Variants in LRRC4C observed in about 807,000 individuals in gnomAD.
LRRC4C encodes leucine rich repeat containing 4C, also known as leucine-rich repeat-containing protein 4C.
LRRC4C carries 5 observed loss-of-function variants against 33.6 expected under a neutral mutation model. The ratio of observed to expected loss-of-function variants is 0.15; its 90% confidence interval spans 0.08 to 0.31. The LOEUF (loss-of-function observed/expected upper bound fraction) is 0.31, where lower values mean the gene tolerates loss of function less well. LRRC4C is among the 10% of genes least tolerant of loss of function. LRRC4C has a pLI of 1.00. For missense variants in LRRC4C, 560 were observed against 796.7 expected, an observed-to-expected ratio of 0.70 and a Z score of 3.58; for synonymous variants, 329 against 302.0, an observed-to-expected ratio of 1.09 and a Z score of -0.93.
intron 2 of LRRC4C, among the ~76,000 whole-genome samples, chr11:40,839,954 T>C (rs1369697501): frequency 1.3e-5 from 2 of 152,218 alleles, no homozygotes; most frequent in African/African-American, 4.8e-5. Flanking sequence ...TATCCTATGA[T>C]ATTTTAAAGA....
chr11:40,505,223 C>T (rs181124655), intron 3 of LRRC4C, among the ~76,000 whole-genome samples: 2 of 152,208 alleles, frequency 1.3e-5, no homozygotes, highest in Admixed American at 6.5e-5. Flanking sequence ...AAGCTGGTGA[C>T]CCTGGGTGGG....
chr11:40,949,382 A>G (rs1958583318), intron 1 of LRRC4C, among the ~76,000 whole-genome samples: 1 of 152,036 alleles, frequency 6.6e-6, no homozygotes, highest in Admixed American at 6.6e-5. Flanking sequence ...ATTAGATCCC[A>G]TTTGTCAGAG....
At position 40,192,991 on chromosome 11, in the gene LRRC4C, G is replaced by T. The variant is rs367983057; in HGVS notation, c.-96+48528C>A. ...GATAAAACTGCCATCTCCCTGGGAC[G>T]GAGCACATGGGGGAAGGGGCAGCTG... On this transcript the variant is annotated intron_variant, in intron 5 of 6. Transcript: ENST00000528697. Among the ~76,000 whole-genome samples the T allele has an allele frequency of 2.3e-4, 35 of 152,290 alleles. No individual in the cohort carries two copies. In the South Asian group the frequency reaches 7.2e-3, roughly 32 times the overall value.
chr11:40,130,967 A>G (rs1856606223), intron 6 of LRRC4C, among the ~76,000 whole-genome samples: 1 of 152,130 alleles, frequency 6.6e-6, no homozygotes, highest in Non-Finnish European at 1.5e-5. Flanking sequence ...GATCAGTATA[A>G]ATCCATCCTT....
At position 40,320,977 on chromosome 11, in the gene LRRC4C, GA is replaced by G. The variant is rs368867914; in HGVS notation, c.-269-1257del. Among the ~76,000 whole-genome samples the G allele has an allele frequency of 6.6e-5, 10 of 152,014 alleles. No homozygotes were observed. The East Asian group carries it at 1.2e-3, about 18-fold the overall frequency. ...CGAATTTGAGATTCATGTATTACTT[GA>G]AAAAAAATTAATTATCTACCTGACG... is the stretch of plus-strand genomic sequence containing the variant. On this transcript the variant is annotated intron_variant, in intron 3 of 6. Coordinates refer to ENST00000528697, the MANE Select transcript of LRRC4C (RefSeq NM_001258419.2).
intron 1 of LRRC4C, among the ~76,000 whole-genome samples, chr11:41,173,705 C>T (rs556382028): frequency 1.8e-4 from 27 of 152,154 alleles, no homozygotes; most frequent in Non-Finnish European, 2.9e-4. Flanking sequence ...TTCCGATATT[C>T]CTTTGTAACC....
At chr11:40,795,668 T>G (rs1950794965) in intron 2 of LRRC4C, among the ~76,000 whole-genome samples, 2 of 152,200 alleles carry the variant, frequency 1.3e-5, no homozygotes. Context: ...AGAAATCCAC[T>G]TGTCCTCTTA....
intron 3 of LRRC4C, among the ~76,000 whole-genome samples, chr11:40,644,788 G>T (rs1942340116): frequency 6.6e-6 from 1 of 152,146 alleles, no homozygotes; most frequent in Non-Finnish European, 1.5e-5. Context: ...AGTGGATGTG[G>T]CTATGAAAAG....
intron 4 of LRRC4C, among the ~76,000 whole-genome samples, chr11:40,273,978 G>A (rs2136368442): frequency 6.6e-6 from 1 of 152,184 alleles, no homozygotes; most frequent in Non-Finnish European, 1.5e-5. Flanking sequence ...CAGGTGGGCA[G>A]TGGCTATAGG....
intron 1 of LRRC4C, among the ~76,000 whole-genome samples, chr11:40,987,249 C>A (rs888105141): frequency 2.6e-5 from 4 of 152,140 alleles, no homozygotes; most frequent in African/African-American, 9.7e-5. Context: ...GAAGCTAAAT[C>A]TCAGGGAATA....
intron 1 of LRRC4C, among the ~76,000 whole-genome samples, chr11:41,133,900 A>G (rs1191915149): frequency 1.3e-5 from 2 of 152,140 alleles, no homozygotes; most frequent in African/African-American, 4.8e-5. Context: ...CCCTGCTTCA[A>G]GATAGTCTGC....
intron 1 of LRRC4C, among the ~76,000 whole-genome samples, chr11:40,981,153 C>G (rs1017804006): frequency 6.6e-6 from 1 of 152,102 alleles, no homozygotes; most frequent in Non-Finnish European, 1.5e-5. Context: ...AGGTGGCTCA[C>G]GCCTGTAATC....
At chr11:41,210,319 G>T (rs1370205466) in intron 1 of LRRC4C, among the ~76,000 whole-genome samples, 1 of 152,088 alleles carries the variant, frequency 6.6e-6, no homozygotes, top group Non-Finnish European at 1.5e-5. Context: ...CATGGGGGCG[G>T]TTTTCCCCAT....
chr11:40,822,054 T>C (rs1161159723), intron 2 of LRRC4C, among the ~76,000 whole-genome samples: 1 of 151,766 alleles, frequency 6.6e-6, no homozygotes, highest in Non-Finnish European at 1.5e-5. Flanking sequence ...GCATGCGCAA[T>C]AAATTATTGT....
At chr11:41,067,535 A>G (rs562147422) in intron 1 of LRRC4C, among the ~76,000 whole-genome samples, 1 of 152,334 alleles carries the variant, frequency 6.6e-6, no homozygotes, top group South Asian at 2.1e-4. Context: ...GATATTCAAG[A>G]CTTGAACTCA....
At chr11:40,902,446 C>A (rs1221889685) in intron 2 of LRRC4C, among the ~76,000 whole-genome samples, 3 of 152,014 alleles carry the variant, frequency 2.0e-5, no homozygotes, top group Non-Finnish European at 4.4e-5. Flanking sequence ...CAACGAATGA[C>A]CTTACAATAG....
intron 3 of LRRC4C, among the ~76,000 whole-genome samples, chr11:40,370,499 A>C (rs979846701): frequency 6.6e-6 from 1 of 152,092 alleles, no homozygotes; most frequent in African/African-American, 2.4e-5. Flanking sequence ...CAACAACAAA[A>C]ATTTCTTTAC....
chr11:40,963,744 T>C (rs1851131412), intron 1 of LRRC4C, among the ~76,000 whole-genome samples: 1 of 151,800 alleles, frequency 6.6e-6, no homozygotes, highest in South Asian at 2.1e-4. Context: ...GAATCATCTT[T>C]TGTTTATTCA....
chr11:40,922,366 T>C (rs1292290131), intron 2 of LRRC4C, among the ~76,000 whole-genome samples: 1 of 152,194 alleles, frequency 6.6e-6, no homozygotes, highest in East Asian at 1.9e-4. Flanking sequence ...TCTTAAACCA[T>C]AGCTATTTCC....
Sources: gnomAD v4.1 joint callset for allele counts (sites outside exome capture counted in the v4.1 genomes callset) on GRCh38, gnomAD v4.1.1 for gene constraint, MANE v1.5 for transcripts, NCBI Gene and HGNC (gene_info 2026-07-23, HGNC 2026-07-21) for gene names.